DPYD: variants seen among roughly 807,000 people sequenced by gnomAD.
The protein encoded by DPYD is dihydropyrimidine dehydrogenase [NADP(+)].
A neutral mutation model predicts 116.2 loss-of-function variants in DPYD; 109 were observed. The ratio of observed to expected loss-of-function variants is 0.94; its 90% CI spans 0.80 to 1.10. The LOEUF is 1.10. Among genes scored for constraint, DPYD ranks in the 50% least tolerant of loss-of-function variants. The pLI, the probability that DPYD is intolerant of heterozygous loss-of-function variation, is 0.00. For synonymous variants in DPYD, 440 were observed against 432.0 expected (o/e 1.02, Z -0.23); for missense variants, 1,302 against 1,254.5 (o/e 1.04, Z -0.57).
chr1:97,754,140 T>C (rs1665091088), intron 3 of DPYD, among the ~76,000 whole-genome samples: 1 of 152,144 alleles, frequency 6.6e-6, no homozygotes, highest in African/African-American at 2.4e-5. Context: ...AGAATATAAA[T>C]GTTTAATCTT....
intron 3 of DPYD, among the ~76,000 whole-genome samples, chr1:97,777,697 A>G (rs1319819436): frequency 2.0e-5 from 3 of 152,322 alleles, no homozygotes; most frequent in East Asian, 3.9e-4. Flanking sequence ...ATTGGTAGGA[A>G]ATTTAAAAAT....
chr1:97,428,653 TAAC>T (rs576812804), intron 14 of DPYD, among the ~76,000 whole-genome samples: 22 of 152,032 alleles, frequency 1.4e-4, no homozygotes, highest in African/African-American at 4.1e-4. Context: ...AAAAGCAAAA[TAAC>T]AACAACAAAA....
At chr1:97,765,571 A>C (rs1482226837) in intron 3 of DPYD, among the ~76,000 whole-genome samples, 1 of 152,206 alleles carries the variant, frequency 6.6e-6, no homozygotes, top group Non-Finnish European at 1.5e-5. Context: ...ATAGTTTGAC[A>C]GCCTTACTCC....
intron 1 of DPYD, among the ~76,000 whole-genome samples, chr1:97,906,477 T>C (rs1043460775): frequency 6.6e-6 from 1 of 152,074 alleles, no homozygotes; most frequent in Non-Finnish European, 1.5e-5. Context: ...CTAACCAGAC[T>C]CTAAGTGGTA....
At chr1:97,138,477 A>G (rs1011661538) in intron 20 of DPYD, among the ~76,000 whole-genome samples, 1 of 152,144 alleles carries the variant, frequency 6.6e-6, no homozygotes, top group African/African-American at 2.4e-5. Context: ...TGGTGAGTTC[A>G]TCCGGTTAGA....
chr1:97,507,582 AAATT>A (rs1183407089), intron 13 of DPYD, among the ~76,000 whole-genome samples: 1 of 152,012 alleles, frequency 6.6e-6, no homozygotes, highest in Non-Finnish European at 1.5e-5. Flanking sequence ...TTTCAAAAAT[AAATT>A]GTGATGTTTT....
At chr1:97,205,356 CT>C (rs1420379907) in intron 19 of DPYD, among the ~76,000 whole-genome samples, 2 of 151,762 alleles carry the variant, frequency 1.3e-5, no homozygotes, top group African/African-American at 2.4e-5. Flanking sequence ...AACCACTGAT[CT>C]TTTTTACTGT....
chr1:97,446,256 G>A (rs1676082213), intron 14 of DPYD, among the ~76,000 whole-genome samples: 1 of 152,146 alleles, frequency 6.6e-6, no homozygotes. Context: ...TATATTTTAA[G>A]TGAGATAGTG....
At chr1:97,689,382 A>G (rs1476228384) in intron 7 of DPYD, among the ~76,000 whole-genome samples, 1 of 152,074 alleles carries the variant, frequency 6.6e-6, no homozygotes, top group African/African-American at 2.4e-5. Context: ...GGAGTTCAAA[A>G]GAAGGATGGC....
intron 11 of DPYD, among the ~76,000 whole-genome samples, chr1:97,550,161 C>T (rs1651212396): frequency 6.6e-6 from 1 of 152,164 alleles, no homozygotes; most frequent in Admixed American, 6.5e-5. Context: ...TTGAAAGTTA[C>T]ATCATGAATT....
intron 18 of DPYD, among the ~76,000 whole-genome samples, chr1:97,286,403 G>A (rs1486878850): frequency 6.6e-6 from 1 of 152,122 alleles, no homozygotes; most frequent in Non-Finnish European, 1.5e-5. Flanking sequence ...GTGTCTTGGA[G>A]TTGCTCTTCT....
chr1:97,473,515 C>T (rs185563901), intron 13 of DPYD, among the ~76,000 whole-genome samples: 85 of 152,026 alleles, frequency 5.6e-4, no homozygotes, highest in African/African-American at 2.0e-3. Context: ...TCACAAAGAG[C>T]CAAAAAGTAT....
At chr1:97,185,763 A>G (rs1463427986) in intron 20 of DPYD, among the ~76,000 whole-genome samples, 1 of 152,208 alleles carries the variant, frequency 6.6e-6, no homozygotes, top group East Asian at 1.9e-4. Context: ...AAAAACATGA[A>G]CAAACTAATC....
chr1:97,191,865 C>T (rs532142533), intron 20 of DPYD, among the ~76,000 whole-genome samples: 1 of 152,250 alleles, frequency 6.6e-6, no homozygotes, highest in Admixed American at 6.5e-5. Context: ...CAAGAACACT[C>T]ACTGTCTAAA....
intron 12 of DPYD, among the ~76,000 whole-genome samples, chr1:97,536,495 A>T (rs1201555944): frequency 1.3e-5 from 2 of 152,220 alleles, no homozygotes; most frequent in African/African-American, 2.4e-5. Flanking sequence ...AGAGAAGAAG[A>T]AGTCAGCTCT....
intron 16 of DPYD, among the ~76,000 whole-genome samples, chr1:97,313,916 G>C (rs1215298424): frequency 6.6e-6 from 1 of 151,990 alleles, no homozygotes; most frequent in East Asian, 2.0e-4. Context: ...GTACATGAAA[G>C]ACAATAAATA....
intron 13 of DPYD, among the ~76,000 whole-genome samples, chr1:97,492,430 C>T (rs1679024931): frequency 6.6e-6 from 1 of 152,138 alleles, no homozygotes; most frequent in African/African-American, 2.4e-5. Flanking sequence ...TCACACTCTA[C>T]TCCCTATTCA....
At chr1:97,572,325 C>T (rs1652957586) in intron 11 of DPYD, among the ~76,000 whole-genome samples, 1 of 151,696 alleles carries the variant, frequency 6.6e-6, no homozygotes, top group Non-Finnish European at 1.5e-5. Flanking sequence ...TGCCTGCGCG[C>T]ACACACACAC....
chr1:97,195,636 A>ATG (rs1376269434), intron 19 of DPYD, among the ~76,000 whole-genome samples: 45 of 1,976 alleles, frequency 0.023, 1 homozygote, highest in East Asian at 0.059. Flanking sequence ...ATGTATGTGT[A>ATG]TATATATATA....
Sources: allele counts gnomAD v4.1 joint callset (sites outside exome capture counted in the v4.1 genomes callset), GRCh38; gene constraint gnomAD v4.1.1; transcripts MANE v1.5; gene names NCBI Gene and HGNC (gene_info 2026-07-23, HGNC 2026-07-21).